Variants in NAA35 observed in about 807,000 individuals in gnomAD.
NAA35 encodes the protein N-alpha-acetyltransferase 35, NatC auxiliary subunit, also known as MAK10 homolog, amino-acid N-acetyltransferase subunit.
A neutral mutation model predicts 101.7 loss-of-function variants in NAA35; 18 were observed. The observed-to-expected ratio is 0.18, with a 90% confidence interval of 0.12 to 0.26. The LOEUF is 0.26. NAA35 is among the 10% of genes least tolerant of loss of function. The pLI is 1.00. For synonymous variants in NAA35, 267 were observed against 273.1 expected (o/e 0.98, Z 0.22); for missense variants, 601 against 886.8 (o/e 0.68, Z 4.09).
chr9:85,953,936 G>T (rs1055484208), intron 2 of NAA35, among the ~76,000 whole-genome samples: 1 of 152,064 alleles, frequency 6.6e-6, no homozygotes, highest in Non-Finnish European at 1.5e-5. Context: ...GTCAATGGGC[G>T]CTTGGGTTGT....
rs1587683878 is a variant in NAA35, at chr9:86,024,022, A to G, written c.*2062A>G. On this transcript the variant is annotated 3_prime_UTR_variant, in exon 23 of 23. Coordinates refer to ENST00000361671, the MANE Select transcript of NAA35 (RefSeq NM_024635.4). Reference sequence around the variant, plus strand: ...AGCAGGTTTCTAATTATAAAAACAAATTTGCCATTTTATAATTTTTAAAGT... The same window carrying G: ...AGCAGGTTTCTAATTATAAAAACAAGTTTGCCATTTTATAATTTTTAAAGT... Among the ~76,000 whole-genome samples the G allele has an allele frequency of 6.6e-6, 1 of 152,232 alleles. No homozygotes were observed. The highest frequency in any genetic ancestry group is 1.5e-5 in the Non-Finnish European group (1 of 68,032).
At chr9:85,989,331 C>T (rs1055731778) in intron 11 of NAA35, among the ~76,000 whole-genome samples, 8 of 151,880 alleles carry the variant, frequency 5.3e-5, no homozygotes, top group African/African-American at 2.4e-5. Flanking sequence ...ATTAGCTGGG[C>T]GTGGTAGTGG....
intron 17 of NAA35, among the ~76,000 whole-genome samples, chr9:86,015,394 C>T (rs890917015): frequency 1.3e-5 from 2 of 151,944 alleles, no homozygotes; most frequent in African/African-American, 4.8e-5. Context: ...CCCGAGATAA[C>T]CTTTAGTTGT....
chr9:85,941,339 C>G (rs1828502493), intron 1 of NAA35, 66 bp downstream of exon 1: 2 of 985,464 alleles, frequency 2.0e-6, no homozygotes, highest in African/African-American at 1.7e-5. Flanking sequence ...CGCAGCCCCC[C>G]GCGCGTGTGG....
chr9:85,953,219 T>A lies in NAA35; in HGVS notation c.125-3141T>A, dbSNP rs935936231. ...CAGAGTGAGACCTGCCTCAAGAGATTTTTTTTTTTTTTTTTTTTTTACCGG... is the reference window on the plus strand; with the variant it reads ...CAGAGTGAGACCTGCCTCAAGAGATATTTTTTTTTTTTTTTTTTTTACCGG... On this transcript the variant is annotated intron_variant, in intron 2 of 22. Transcript: ENST00000361671. 1.9e-4 allele frequency among the ~76,000 whole-genome samples: 27 copies of A among 140,070 alleles called. 1 individual carries two copies. The highest frequency in any genetic ancestry group is 1.8e-3 in the South Asian group (8 of 4,502). The allele number at this position is 140,070 out of a possible 152,430, so 91.9% of individuals were successfully genotyped here.
At chr9:85,989,490 CA>C (rs112345322) in intron 11 of NAA35, among the ~76,000 whole-genome samples, 1 of 149,228 alleles carries the variant, frequency 6.7e-6, no homozygotes, top group Non-Finnish European at 1.5e-5. Flanking sequence ...AACAAACAAA[CA>C]AAAAAAAACA....
intron 2 of NAA35, among the ~76,000 whole-genome samples, chr9:85,955,327 CATATATATATATATATAT>C (rs1173706353): frequency 3.6e-5 from 3 of 82,864 alleles, no homozygotes; most frequent in African/African-American, 1.5e-4. Flanking sequence ...CATCTATATA[CATATATATATATATATAT>C]ATATATATAT....
chr9:86,013,386 G>T (rs1832047392), intron 16 of NAA35, among the ~76,000 whole-genome samples: 2 of 152,116 alleles, frequency 1.3e-5, no homozygotes, highest in African/African-American at 4.8e-5. Flanking sequence ...TGTATAAAAT[G>T]ATAGTTTTAC....
At chr9:86,008,176 C>T (rs1831733643) in intron 14 of NAA35, among the ~76,000 whole-genome samples, 1 of 152,218 alleles carries the variant, frequency 6.6e-6, no homozygotes, top group Non-Finnish European at 1.5e-5. Flanking sequence ...GATTCTCCCA[C>T]ATCAGCCTCC....
chr9:86,001,689 A>C (rs1225292360), intron 12 of NAA35, among the ~76,000 whole-genome samples: 2 of 151,920 alleles, frequency 1.3e-5, no homozygotes, highest in African/African-American at 4.8e-5. Flanking sequence ...TAGGATTGCA[A>C]CCCCTGCTTT....
intron 5 of NAA35, 150 bp downstream of exon 5, chr9:85,960,017 T>C: frequency 1.9e-6 from 1 of 524,646 alleles, no homozygotes; most frequent in South Asian, 3.3e-5. Flanking sequence ...GGCCTAGTAA[T>C]AGCATTTCAT....
chr9:85,954,460 C>T (rs1337465581), intron 2 of NAA35, among the ~76,000 whole-genome samples: 1 of 152,192 alleles, frequency 6.6e-6, no homozygotes, highest in Non-Finnish European at 1.5e-5. Flanking sequence ...CAGCAGTGCA[C>T]AAGGGTTTCA....
At chr9:86,021,726 G>A (rs991129131) in intron 22 of NAA35, among the ~76,000 whole-genome samples, 175 bp from the exon 23 acceptor site, 5 of 152,060 alleles carry the variant, frequency 3.3e-5, no homozygotes, top group African/African-American at 9.7e-5. Flanking sequence ...CAAATTAATC[G>A]TTTTTCTTCC....
At chr9:85,945,625 T>G (rs975343581) in intron 2 of NAA35, among the ~76,000 whole-genome samples, 7 of 151,980 alleles carry the variant, frequency 4.6e-5, no homozygotes, top group African/African-American at 1.7e-4. Flanking sequence ...TTCACGCCAT[T>G]CTCCTGCCTC....
At chr9:85,963,532 G>A (rs1035406937) in intron 6 of NAA35, among the ~76,000 whole-genome samples, 2 of 151,970 alleles carry the variant, frequency 1.3e-5, no homozygotes, top group African/African-American at 4.8e-5. Flanking sequence ...GCCTCCCAAA[G>A]TTCTGAAATT....
At chr9:85,997,188 C>G (rs547636210) in intron 12 of NAA35, among the ~76,000 whole-genome samples, 1 of 151,640 alleles carries the variant, frequency 6.6e-6, no homozygotes, top group Admixed American at 6.6e-5. Flanking sequence ...TGTTGAACTC[C>G]TGGGTTCAAG....
intron 6 of NAA35, among the ~76,000 whole-genome samples, chr9:85,963,204 A>G (rs1421728639): frequency 1.4e-5 from 2 of 147,786 alleles, no homozygotes; most frequent in East Asian, 2.1e-4. Flanking sequence ...AATTTATACT[A>G]TGTATGTGAG....
Position 86,004,140 on chromosome 9 carries a change from C to CT in NAA35, c.1116+496_1116+497insT, listed in dbSNP as rs369705375. Among the ~76,000 whole-genome samples, 437 of 152,162 alleles carry CT rather than the reference C, an allele frequency of 2.9e-3. 5 individuals are homozygous for CT. The South Asian group carries it at 0.033, about 12-fold the overall frequency. ...GTTTTTGTTTTGAGATAATCTCACTCGTTGCCCAGGCTGGAGTGCAGTGGC... is the reference window on the plus strand; with the variant it reads ...GTTTTTGTTTTGAGATAATCTCACTCTGTTGCCCAGGCTGGAGTGCAGTGGC... On this transcript the variant is annotated intron_variant, in intron 13 of 22. Transcript: ENST00000361671.
chr9:86,021,713 A>C (rs1289144655), intron 22 of NAA35, among the ~76,000 whole-genome samples, 188 bp from the exon 23 acceptor site: 1 of 152,228 alleles, frequency 6.6e-6, no homozygotes, highest in African/African-American at 2.4e-5. Flanking sequence ...TAAAACTCAA[A>C]AACAAATTAA....
Sources: allele counts gnomAD v4.1 joint callset (sites outside exome capture counted in the v4.1 genomes callset), GRCh38; gene constraint gnomAD v4.1.1; transcripts MANE v1.5; gene names NCBI Gene and HGNC (gene_info 2026-07-23, HGNC 2026-07-21).